The following GAPVD1 variants were observed in gnomAD, a reference collection of about 807,000 sequenced individuals.
The protein encoded by GAPVD1 is GTPase activating protein and VPS9 domains 1, also known as GTPase-activating protein and VPS9 domain-containing protein 1.
Under a neutral mutation model 155.5 loss-of-function variants are expected in GAPVD1, and 35 were observed. That is an observed-to-expected ratio of 0.23 (90% CI 0.17 to 0.30). The LOEUF is 0.30. GAPVD1 is among the 10% of genes least tolerant of loss of function. The probability of loss-of-function intolerance (pLI) is 1.00; values close to 1 mark genes in which losing one functional copy is unlikely to be tolerated. For missense variants in GAPVD1, 1,429 were observed against 1,775.7 expected (o/e 0.80, Z 3.51); for synonymous variants, 636 against 619.7 (o/e 1.03, Z -0.39).
In GAPVD1 at chr9:125,300,188, T is replaced by TA. The variant is rs200513255; in HGVS notation, c.185+1082_185+1083insA. On this transcript the variant is annotated intron_variant, in intron 4 of 27. Coordinates refer to ENST00000297933, the MANE Select transcript of GAPVD1 (RefSeq NM_001282680.3). ...CCTACGAAGAACATTTATTTTATTT[T>TA]TTTTTTTTTTTGAGTTGGAGTCTCG... 2.8e-4 allele frequency among the ~76,000 whole-genome samples: 39 copies of TA among 141,450 alleles called. 1 individual carries two copies. Among genetic ancestry groups the TA allele is most frequent in the African/African-American group, 8.9e-4 (34 of 38,158 alleles). 92.8% of individuals were successfully genotyped at this position (141,450 alleles called of 152,430 possible). A position where few individuals can be genotyped will look rare whatever the true frequency, so the allele number is the denominator to read the frequency against.
At chr9:125,267,933 C>A (rs908015923) in intron 1 of GAPVD1, among the ~76,000 whole-genome samples, 1 of 150,850 alleles carries the variant, frequency 6.6e-6, no homozygotes, top group Non-Finnish European at 1.5e-5. Flanking sequence ...GAGACCGAGG[C>A]GGGTGGATCA....
At chr9:125,321,947 G>A (rs1844383375) in intron 10 of GAPVD1, among the ~76,000 whole-genome samples, 2 of 152,094 alleles carry the variant, frequency 1.3e-5, no homozygotes, top group Admixed American at 1.3e-4. Flanking sequence ...TAAATGTTCT[G>A]TATTCCTTTA....
At chr9:125,327,027 C>G (rs1845290206) in intron 12 of GAPVD1, among the ~76,000 whole-genome samples, 2 of 152,228 alleles carry the variant, frequency 1.3e-5, no homozygotes, top group Middle Eastern at 3.4e-3. Context: ...CTGCTGTTCT[C>G]TAAAAAAATG....
Position 125,337,551 on chromosome 9 carries a change from C to A in GAPVD1, c.2837C>A (p.Ser946Ter). 1 of 1,614,006 alleles carries A rather than the reference C, an allele frequency of 6.2e-7. No homozygotes were observed. The highest frequency in any genetic ancestry group is 1.1e-5 in the South Asian group (1 of 91,076). The change falls in exon 17 of 28, where the codon TCA (serine) becomes TAA (stop). Residue 946 changes from serine to a stop codon, truncating the protein, a stop_gained. Transcript: ENST00000297933. LOFTEE classifies it high-confidence loss of function. ...GATSLVAAPH[S>*]SSSSPSKDSS... ...ACTTCTTTGGTGGCTGCACCTCATT[C>A]ATCATCTTCATCCCCGAGTAAGGAC...
At chr9:125,331,755 A>C (rs1443201513) in intron 13 of GAPVD1, among the ~76,000 whole-genome samples, 171 bp from the exon 14 acceptor site, 3 of 152,220 alleles carry the variant, frequency 2.0e-5, no homozygotes, top group Non-Finnish European at 4.4e-5. Context: ...TGAAAATCAC[A>C]ACTTTGACTT....
intron 6 of GAPVD1, among the ~76,000 whole-genome samples, chr9:125,307,208 G>T (rs1304702175): frequency 1.3e-5 from 2 of 151,218 alleles, no homozygotes; most frequent in Non-Finnish European, 2.9e-5. Context: ...TGCAGAGGTT[G>T]CAGTGAGCTG....
chr9:125,310,002 C>A (rs570595750), intron 8 of GAPVD1: 3 of 459,780 alleles, frequency 6.5e-6, no homozygotes, highest in Non-Finnish European at 1.4e-5. Flanking sequence ...CAGTAGTAAC[C>A]CCGTTTGGTG....
At chr9:125,336,938 A>G (rs1589028006) in intron 15 of GAPVD1, 80 bp from the exon 16 acceptor site, 1 of 773,376 alleles carries the variant, frequency 1.3e-6, no homozygotes, top group East Asian at 2.5e-5. Flanking sequence ...CCGTCAAAGA[A>G]TACTTAAAAC....
At chr9:125,346,716 T>TA in intron 19 of GAPVD1, 103 bp from the exon 20 acceptor site, 1 of 909,298 alleles carries the variant, frequency 1.1e-6, no homozygotes, top group Non-Finnish European at 1.9e-6. Flanking sequence ...TTTTAAGTCT[T>TA]ACCTCCTAAT....
At chr9:125,311,830 C>T (rs1429502274) in intron 8 of GAPVD1, among the ~76,000 whole-genome samples, 1 of 151,756 alleles carries the variant, frequency 6.6e-6, no homozygotes, top group Non-Finnish European at 1.5e-5. Context: ...AGTGATTCTC[C>T]TGTCTCAGCC....
rs1841100863 is a variant in GAPVD1, at chr9:125,302,739, C to T, written c.942C>T (p.Phe314=). The T allele has an allele frequency of 1.2e-6, 2 of 1,614,138 alleles. No individual in the cohort carries two copies. The highest frequency in any genetic ancestry group is 1.1e-5 in the South Asian group (1 of 91,070). The change falls in exon 5 of 28, where the codon TTC becomes TTT. Residue 314 remains phenylalanine (F), a synonymous_variant. Coordinates refer to ENST00000297933, the MANE Select transcript of GAPVD1 (RefSeq NM_001282680.3). ...GTACTGATCTCCTGTTGGCCTGCTT[C>T]ATTTGTCCTGCAGTTGTCAATCCAG... ...AMCTDLLLAC[F]ICPAVVNPEQ...
intron 2 of GAPVD1, among the ~76,000 whole-genome samples, chr9:125,274,844 A>C (rs930071942): frequency 3.3e-5 from 5 of 152,174 alleles, no homozygotes; most frequent in Non-Finnish European, 5.9e-5. Context: ...GTGTTTGCAG[A>C]TGAAGAAACT....
At chr9:125,355,947 G>T in intron 25 of GAPVD1, 90 bp downstream of exon 25, 1 of 720,498 alleles carries the variant, frequency 1.4e-6, no homozygotes, top group Non-Finnish European at 2.5e-6. Flanking sequence ...GTGTAACTTA[G>T]TGTCTGATTG....
Position 125,323,878 on chromosome 9 carries a change from G to C in GAPVD1, c.1813G>C (p.Gly605Arg). 1 of 1,613,616 alleles carries C rather than the reference G, an allele frequency of 6.2e-7. No individual in the cohort carries two copies. Among genetic ancestry groups the C allele is most frequent in the Non-Finnish European group, 8.5e-7 (1 of 1,179,610 alleles). ...GTCAGAACTTGGAGCAGGACCTTCT[G>C]GCAGTAATGGAGTTGAAGCTCTACA... ...SVSELGAGPS[G>R]SNGVEALQLL... Residue 605 changes from glycine (G) to arginine (R), a missense_variant, in exon 11 of 28, where the codon GGC (glycine) becomes CGC (arginine). This residue lies in a region of GAPVD1 where 628 missense variants were observed against 733.4 expected (regional missense o/e 0.86). Coordinates refer to ENST00000297933, the MANE Select transcript of GAPVD1 (RefSeq NM_001282680.3).
At chr9:125,349,738 C>T (rs1849040665) in intron 21 of GAPVD1, among the ~76,000 whole-genome samples, 1 of 152,048 alleles carries the variant, frequency 6.6e-6, no homozygotes, top group East Asian at 1.9e-4. Flanking sequence ...GTGGCTCACG[C>T]CTGTAATCCC....
In GAPVD1 at chr9:125,349,441, T is replaced by C. The variant is rs375857685; in HGVS notation, c.3221T>C (p.Leu1074Pro). ...CATGATTCTCCCCGTGACGAAGCAC[T>C]GCAGAACATCTCGGCTGATGATCTC... ...SAHDSPRDEA[L>P]QNISADDLPD... Residue 1074 changes from leucine to proline, a missense_variant, in exon 21 of 28, where the codon CTG (leucine) becomes CCG (proline). By Grantham distance (98) the Leu-to-Pro change is moderately conservative. Around this residue, in one of 4 missense-constraint regions of GAPVD1, gnomAD observed 699 missense variants for 826.0 expected, o/e 0.85. Coordinates refer to ENST00000297933, the MANE Select transcript of GAPVD1 (RefSeq NM_001282680.3). 6.2e-7 allele frequency: 1 copy of C among 1,613,806 alleles called. No homozygotes were observed. Among genetic ancestry groups the C allele is most frequent in the African/African-American group, 1.3e-5 (1 of 75,024 alleles).
chr9:125,342,100 G>T, intron 18 of GAPVD1, 119 bp from the exon 19 acceptor site: 2 of 616,174 alleles, frequency 3.2e-6, no homozygotes, highest in Non-Finnish European at 2.9e-6. Context: ...TCAACACTTG[G>T]AATTTCTTAG....
intron 4 of GAPVD1, among the ~76,000 whole-genome samples, chr9:125,300,973 A>C (rs946228031): frequency 6.6e-6 from 1 of 152,196 alleles, no homozygotes; most frequent in African/African-American, 2.4e-5. Context: ...ATGGTTGAGC[A>C]ATATGCTGAT....
intron 1 of GAPVD1, among the ~76,000 whole-genome samples, chr9:125,266,251 C>T (rs942464386): frequency 1.3e-5 from 2 of 151,300 alleles, no homozygotes; most frequent in Non-Finnish European, 2.9e-5. Flanking sequence ...CTCAGCTTCC[C>T]GAGCAGCTGG....
Sources: allele counts gnomAD v4.1 joint callset (sites outside exome capture counted in the v4.1 genomes callset), GRCh38; gene constraint gnomAD v4.1.1; regional missense constraint gnomAD v4.1.1; transcripts MANE v1.5; gene names NCBI Gene and HGNC (gene_info 2026-07-23, HGNC 2026-07-21).